The following CSMD2 variants were observed in gnomAD, a reference collection of about 807,000 sequenced individuals.
CSMD2 encodes CUB and Sushi multiple domains 2.
In CSMD2, 130 loss-of-function variants were observed where a neutral mutation model predicts 398.5. The ratio of observed to expected loss-of-function variants is 0.33; its 90% confidence interval spans 0.28 to 0.38. The LOEUF is 0.38. CSMD2 is among the 10% of genes least tolerant of loss of function. CSMD2 has a pLI of 1.00. For missense variants in CSMD2, 3,829 were observed against 4,764.9 expected, an observed-to-expected ratio of 0.80 and a Z score of 5.78; for synonymous variants, 1,828 against 1,908.5, an observed-to-expected ratio of 0.96 and a Z score of 1.10.
At chr1:33,877,314 T>A (rs1191344360) in intron 5 of CSMD2, among the ~76,000 whole-genome samples, 1 of 152,168 alleles carries the variant, frequency 6.6e-6, no homozygotes, top group Non-Finnish European at 1.5e-5. Flanking sequence ...CTGGGCCCAA[T>A]GGCTCGTTAA....
At chr1:34,032,728 T>G (rs1650613843) in intron 2 of CSMD2, 22 bp from the exon 3 acceptor site, 1 of 1,519,718 alleles carries the variant, frequency 6.6e-7, no homozygotes, top group Admixed American at 1.9e-5. Flanking sequence ...AGAATTGGAT[T>G]AGGGAGAATG....
chr1:33,568,210 C>T (rs1659248140), intron 52 of CSMD2, among the ~76,000 whole-genome samples: 2 of 115,764 alleles, frequency 1.7e-5, no homozygotes, highest in Admixed American at 1.9e-4. Context: ...TTTTTTGAGA[C>T]AAGATCTTGC....
At chr1:33,809,063 C>T (rs981760761) in intron 10 of CSMD2, among the ~76,000 whole-genome samples, 1 of 151,492 alleles carries the variant, frequency 6.6e-6, no homozygotes, top group Non-Finnish European at 1.5e-5. Flanking sequence ...AAAGGAGACA[C>T]CAGACCACGA....
In CSMD2 at chr1:34,164,901, C is replaced by G; in HGVS notation, c.187+10G>C. ...GGCGGCCGCTGGCTCCTCGGCGCGG[C>G]TGGACTCACCCGCGGCGGCCGAGAC... On this transcript the variant is annotated intron_variant, in intron 1 of 70. Coordinates refer to ENST00000373381, the MANE Select transcript of CSMD2 (RefSeq NM_001281956.2). This position sits in a 1 kb window ranked among gnomAD's most constrained non-coding sequence, Gnocchi z 6.2. 2 of 1,219,312 alleles carry G rather than the reference C, an allele frequency of 1.6e-6. No individual in the cohort carries two copies. Among genetic ancestry groups the G allele is most frequent in the Non-Finnish European group, 2.0e-6 (2 of 980,072 alleles). 75.5% of individuals were successfully genotyped at this position (1,219,312 alleles called of 1,614,324 possible).
intron 3 of CSMD2, among the ~76,000 whole-genome samples, chr1:34,016,981 G>A (rs568862293): frequency 5.9e-5 from 9 of 152,298 alleles, no homozygotes; most frequent in Middle Eastern, 6.8e-3. Context: ...CCAAGGGTAC[G>A]TGATCGTTTA....
chr1:33,698,288 T>C (rs1645489313), intron 24 of CSMD2, among the ~76,000 whole-genome samples: 1 of 152,212 alleles, frequency 6.6e-6, no homozygotes, highest in Non-Finnish European at 1.5e-5. Flanking sequence ...TATCTTACTA[T>C]GTCTTTTGAC....
intron 3 of CSMD2, among the ~76,000 whole-genome samples, chr1:33,957,742 C>G (rs1329024479): frequency 6.6e-6 from 1 of 152,154 alleles, no homozygotes; most frequent in East Asian, 1.9e-4. Context: ...GAGACAGTCT[C>G]TCTGGACCCA....
At chr1:33,832,414 G>A (rs1354058706) in intron 6 of CSMD2, among the ~76,000 whole-genome samples, 1 of 68,496 alleles carries the variant, frequency 1.5e-5, no homozygotes, top group African/African-American at 7.9e-5. Flanking sequence ...GGTACATAAC[G>A]AACTGAAGGC....
chr1:33,847,521 C>G (rs1017196537), intron 5 of CSMD2, among the ~76,000 whole-genome samples: 1 of 151,930 alleles, frequency 6.6e-6, no homozygotes, highest in Admixed American at 6.6e-5. Flanking sequence ...AGGAGTAATA[C>G]CAGCCCTAAG....
chr1:33,986,857 G>T (rs990622081), intron 3 of CSMD2, among the ~76,000 whole-genome samples: 2 of 152,200 alleles, frequency 1.3e-5, no homozygotes, highest in African/African-American at 4.8e-5. Context: ...CCAAGGCACG[G>T]ACATGCAGCC....
At chr1:33,833,510 TAA>T (rs996516895) in intron 6 of CSMD2, among the ~76,000 whole-genome samples, 2 of 145,644 alleles carry the variant, frequency 1.4e-5, no homozygotes, top group Non-Finnish European at 3.0e-5. Context: ...CTCAAAATAA[TAA>T]GAGCTATCTA....
chr1:33,712,002 G>A (rs1254840322), intron 21 of CSMD2, among the ~76,000 whole-genome samples: 1 of 152,148 alleles, frequency 6.6e-6, no homozygotes, highest in Non-Finnish European at 1.5e-5. Context: ...GATGAACTTA[G>A]AAGCCAAACA....
intron 44 of CSMD2, among the ~76,000 whole-genome samples, chr1:33,590,966 G>A (rs1639399149): frequency 6.9e-6 from 1 of 144,582 alleles, no homozygotes; most frequent in African/African-American, 2.5e-5. Context: ...CCTTTCATTT[G>A]AAGCTTTTAT....
chr1:33,896,714 A>T (rs1642408914), intron 5 of CSMD2, among the ~76,000 whole-genome samples: 1 of 152,162 alleles, frequency 6.6e-6, no homozygotes, highest in South Asian at 2.1e-4. Flanking sequence ...GAGAAGGAGC[A>T]AACATGGGCA....
chr1:33,609,346 G>A (rs1316441557), intron 41 of CSMD2, among the ~76,000 whole-genome samples: 6 of 152,188 alleles, frequency 3.9e-5, no homozygotes, highest in Non-Finnish European at 5.9e-5. Flanking sequence ...GGCAAGGGAG[G>A]AGCTCCATCC....
intron 10 of CSMD2, among the ~76,000 whole-genome samples, chr1:33,799,270 A>G (rs913893085): frequency 1.3e-5 from 2 of 152,204 alleles, no homozygotes; most frequent in African/African-American, 4.8e-5. Context: ...AAAGCCTAAA[A>G]TATTTATGGT....
intron 39 of CSMD2, 93 bp downstream of exon 39, chr1:33,616,813 C>G (rs1641420905): frequency 8.4e-6 from 8 of 950,926 alleles, no homozygotes; most frequent in Non-Finnish European, 1.3e-5. Context: ...AAACTTTCTT[C>G]TGATTTGAAC....
At chr1:33,832,772 A>G (rs911715710) in intron 6 of CSMD2, among the ~76,000 whole-genome samples, 27 of 151,700 alleles carry the variant, frequency 1.8e-4, no homozygotes, top group African/African-American at 6.5e-4. Context: ...ATAAAGAAGA[A>G]AAGAGAGAAG....
intron 17 of CSMD2, among the ~76,000 whole-genome samples, chr1:33,724,918 C>T (rs137984875): frequency 1.8e-3 from 275 of 152,334 alleles, no homozygotes; most frequent in Non-Finnish European, 2.9e-3. Context: ...CCTCATGGTG[C>T]TCGCAGCTCC....
Sources: allele counts gnomAD v4.1 joint callset (sites outside exome capture counted in the v4.1 genomes callset), GRCh38; gene constraint gnomAD v4.1.1; non-coding constraint Gnocchi (gnomAD v3.1); transcripts MANE v1.5; gene names NCBI Gene and HGNC (gene_info 2026-07-23, HGNC 2026-07-21).